Variants in RASAL2 observed in about 807,000 individuals in gnomAD.
The protein encoded by RASAL2 is ras GTPase-activating protein nGAP.
A neutral mutation model predicts 128.9 loss-of-function variants in RASAL2; 58 were observed. The ratio of observed to expected loss-of-function variants is 0.45; its 90% CI spans 0.36 to 0.56. The LOEUF (loss-of-function observed/expected upper bound fraction) is 0.56, where lower values mean the gene tolerates loss of function less well. Ranked by LOEUF, RASAL2 falls within the 20% of genes least tolerant of loss-of-function variation. The pLI is 0.00. For synonymous variants in RASAL2, 561 were observed against 580.8 expected (o/e 0.97, Z 0.49); for missense variants, 1,360 against 1,601.6 (o/e 0.85, Z 2.57).
At chr1:178,124,842 C>G (rs2102284363) in intron 1 of RASAL2, among the ~76,000 whole-genome samples, 1 of 152,222 alleles carries the variant, frequency 6.6e-6, no homozygotes, top group African/African-American at 2.4e-5. Context: ...TTTAAAAAAA[C>G]ACATTTTTTA....
chr1:178,225,460 T>C (rs1042019253), intron 1 of RASAL2, among the ~76,000 whole-genome samples: 1 of 151,960 alleles, frequency 6.6e-6, no homozygotes, highest in Admixed American at 6.6e-5. Flanking sequence ...TATGGTATAT[T>C]TTACCTTTCT....
intron 4 of RASAL2, among the ~76,000 whole-genome samples, chr1:178,403,657 T>C (rs1432829831): frequency 6.6e-6 from 1 of 152,122 alleles, no homozygotes; most frequent in Non-Finnish European, 1.5e-5. Context: ...GTGTATCTCA[T>C]ACCTTACACA....
intron 1 of RASAL2, among the ~76,000 whole-genome samples, chr1:178,128,677 A>T (rs1208065502): frequency 6.6e-6 from 1 of 152,124 alleles, no homozygotes; most frequent in Non-Finnish European, 1.5e-5. Context: ...ATTCCTTTGT[A>T]TCTGTTTGCA....
intron 5 of RASAL2, among the ~76,000 whole-genome samples, chr1:178,429,295 G>T (rs555629925): frequency 6.6e-6 from 1 of 152,160 alleles, no homozygotes; most frequent in South Asian, 2.1e-4. Context: ...GCCACCAACA[G>T]TTAGTTGGTC....
intron 1 of RASAL2, among the ~76,000 whole-genome samples, chr1:178,145,434 A>G (rs1660698718): frequency 1.3e-5 from 2 of 151,474 alleles, no homozygotes; most frequent in South Asian, 2.1e-4. Context: ...ATTTATCTAG[A>G]TGCTTTCTTT....
At chr1:178,257,647 T>C (rs1665434831) in intron 1 of RASAL2, among the ~76,000 whole-genome samples, 1 of 151,726 alleles carries the variant, frequency 6.6e-6, no homozygotes, top group East Asian at 2.0e-4. Flanking sequence ...GAGTTCAAGA[T>C]CAACCTAGGT....
chr1:178,444,299 G>C (rs373733485), intron 8 of RASAL2, among the ~76,000 whole-genome samples: 3 of 152,144 alleles, frequency 2.0e-5, no homozygotes, highest in African/African-American at 7.2e-5. Flanking sequence ...GACCGATTTT[G>C]CACCCATCGA....
At chr1:178,195,753 C>T (rs1662637852) in intron 1 of RASAL2, among the ~76,000 whole-genome samples, 1 of 152,004 alleles carries the variant, frequency 6.6e-6, no homozygotes, top group South Asian at 2.1e-4. Flanking sequence ...TCAAACTATA[C>T]ATTTTCTAGA....
At chr1:178,118,827 C>T (rs1415063719) in intron 1 of RASAL2, among the ~76,000 whole-genome samples, 1 of 151,368 alleles carries the variant, frequency 6.6e-6, no homozygotes, top group Admixed American at 6.6e-5. Context: ...GTTTGTTGAG[C>T]AGGTTGAATA....
intron 1 of RASAL2, among the ~76,000 whole-genome samples, chr1:178,270,980 C>A (rs1018040235): frequency 6.6e-6 from 1 of 152,122 alleles, no homozygotes; most frequent in African/African-American, 2.4e-5. Flanking sequence ...TTTAGAGTAG[C>A]CTTTTCTCAA....
intron 1 of RASAL2, among the ~76,000 whole-genome samples, chr1:178,120,372 T>C (rs1381102947): frequency 6.6e-6 from 1 of 152,232 alleles, no homozygotes; most frequent in African/African-American, 2.4e-5. Context: ...GTTTATTTTT[T>C]ACTCATTTTT....
intron 3 of RASAL2, among the ~76,000 whole-genome samples, chr1:178,345,712 G>A (rs1476805292): frequency 6.6e-6 from 1 of 152,060 alleles, no homozygotes; most frequent in African/African-American, 2.4e-5. Flanking sequence ...GAAGTTTCAG[G>A]TAAATAAGTG....
chr1:178,216,716 T>C (rs1663433097), intron 1 of RASAL2, among the ~76,000 whole-genome samples: 1 of 152,182 alleles, frequency 6.6e-6, no homozygotes, highest in Admixed American at 6.5e-5. Context: ...CTTGGCTCAC[T>C]GCAGCCTCTG....
chr1:178,306,153 T>A (rs547889210), intron 3 of RASAL2, among the ~76,000 whole-genome samples: 2 of 152,178 alleles, frequency 1.3e-5, no homozygotes, highest in East Asian at 3.9e-4. Context: ...CGGTGTTTGG[T>A]TTTTTGTTCT....
intron 3 of RASAL2, among the ~76,000 whole-genome samples, chr1:178,337,447 C>T (rs1669643557): frequency 6.6e-6 from 1 of 152,254 alleles, no homozygotes; most frequent in East Asian, 1.9e-4. Flanking sequence ...TATGAACTCT[C>T]AAAAGAATGC....
chr1:178,362,651 C>T (rs1016102698), intron 3 of RASAL2, among the ~76,000 whole-genome samples: 1 of 151,970 alleles, frequency 6.6e-6, no homozygotes, highest in African/African-American at 2.4e-5. Context: ...TTTCTCTGCC[C>T]CAGGTAACCA....
In RASAL2 at chr1:178,134,530, G is replaced by A. The variant is rs188733706; in HGVS notation, c.202+39836G>A. Among the ~76,000 whole-genome samples, 469 of 150,688 alleles carry A rather than the reference G, an allele frequency of 3.1e-3. 3 individuals carry two copies. Among genetic ancestry groups the A allele is most frequent in the Non-Finnish European group, 5.1e-3 (343 of 67,832 alleles). On this transcript the variant is annotated intron_variant, in intron 1 of 17. Coordinates refer to ENST00000367649, the MANE Select transcript of RASAL2 (RefSeq NM_170692.4). ...AAGCCTGCTATAGGGGCAGGCAATC[G>A]ACATCAGTTAATCTTTTTCGTATTC... is the stretch of plus-strand genomic sequence containing the variant.
intron 5 of RASAL2, among the ~76,000 whole-genome samples, chr1:178,432,704 A>G (rs961588506): frequency 6.6e-6 from 1 of 151,704 alleles, no homozygotes; most frequent in Non-Finnish European, 1.5e-5. Flanking sequence ...CCTGGACTCT[A>G]CCCTCTCCCC....
chr1:178,387,001 C>T (rs1438180145), intron 3 of RASAL2, among the ~76,000 whole-genome samples: 1 of 152,212 alleles, frequency 6.6e-6, no homozygotes, highest in African/African-American at 2.4e-5. Context: ...CAGCAGGTTG[C>T]TCATTCCGCT....
Sources: gnomAD v4.1 joint callset for allele counts (sites outside exome capture counted in the v4.1 genomes callset) on GRCh38, gnomAD v4.1.1 for gene constraint, MANE v1.5 for transcripts, NCBI Gene and HGNC (gene_info 2026-07-23, HGNC 2026-07-21) for gene names.